Variants in MEIS1 observed in about 807,000 individuals in gnomAD.
The protein encoded by MEIS1 is Meis homeobox 1, also known as homeobox protein Meis1.
Under a neutral mutation model 50.8 loss-of-function variants are expected in MEIS1, and 5 were observed. The observed-to-expected ratio is 0.10, with a 90% CI of 0.05 to 0.21. MEIS1 has a LOEUF of 0.21. MEIS1 is among the 10% of genes least tolerant of loss of function. The pLI, the probability that MEIS1 is intolerant of heterozygous loss-of-function variation, is 1.00. For missense variants in MEIS1, 318 were observed against 517.3 expected (o/e 0.61, Z 3.74); for synonymous variants, 176 against 179.3 (o/e 0.98, Z 0.15).
rs768937684 is a variant in MEIS1 at position 66,571,555 on chromosome 2, A to G, written c.*347A>G. ...CTTAAGGGAATATGCATTGTCTGCA[A>G]TGGTGACTGATTTCAAATCATGTTT... On this transcript the variant is annotated 3_prime_UTR_variant, in exon 13 of 13. Transcript: ENST00000272369. 26 of 1,551,110 alleles carry G rather than the reference A, an allele frequency of 1.7e-5. No individual in the cohort carries two copies. The highest frequency in any genetic ancestry group is 2.2e-5 in the Non-Finnish European group (25 of 1,147,484).
rs1671773599 is a variant in MEIS1 at position 66,435,300 on chromosome 2, G to GGAGAGAAAGAAAGA, written c.-550_-537dup. 1 of 155,360 alleles carries GGAGAGAAAGAAAGA rather than the reference G, an allele frequency of 6.4e-6. No individual in the cohort carries two copies. Among genetic ancestry groups the GGAGAGAAAGAAAGA allele is most frequent in the African/African-American group, 2.4e-5 (1 of 41,572 alleles). The allele number at this position is 155,360 out of a possible 1,614,324, so 9.6% of individuals were successfully genotyped here. A position where few individuals can be genotyped will look rare whatever the true frequency, so the allele number is the denominator to read the frequency against. ...AGCACTTGCAAAGAGGGAGAGAGAG[G>GGAGAGAAAGAAAGA]GAGAGAAAGAAAGAGAGAGAGAGAA... On this transcript the variant is annotated 5_prime_UTR_variant, in exon 1 of 13. Transcript: ENST00000272369.
intron 9 of MEIS1, among the ~76,000 whole-genome samples, chr2:66,563,718 T>C (rs1572907677): frequency 6.6e-6 from 1 of 152,144 alleles, no homozygotes; most frequent in Non-Finnish European, 1.5e-5. Context: ...TGACCTCAGT[T>C]TGACTTATAG....
intron 8 of MEIS1, among the ~76,000 whole-genome samples, chr2:66,521,972 C>T (rs114033747): frequency 6.6e-6 from 1 of 152,200 alleles, no homozygotes; most frequent in Non-Finnish European, 1.5e-5. Context: ...TAATGTCACC[C>T]ATCGTACAAT....
At chr2:66,526,361 C>T (rs1231711843) in intron 8 of MEIS1, among the ~76,000 whole-genome samples, 1 of 152,176 alleles carries the variant, frequency 6.6e-6, no homozygotes, top group African/African-American at 2.4e-5. Context: ...TTTCTGGACC[C>T]CTTAGATGTC....
At chr2:66,463,003 G>C (rs1266008894) in intron 6 of MEIS1, among the ~76,000 whole-genome samples, 1 of 151,708 alleles carries the variant, frequency 6.6e-6, no homozygotes, top group Non-Finnish European at 1.5e-5. Flanking sequence ...TTCTCTCCCT[G>C]GGTGTCTGAG....
chr2:66,458,059 C>T (rs568077268), intron 6 of MEIS1, among the ~76,000 whole-genome samples: 7 of 152,262 alleles, frequency 4.6e-5, no homozygotes, highest in Non-Finnish European at 8.8e-5. Context: ...TCAGTTTCTA[C>T]GTAGCTGCTA....
intron 7 of MEIS1, among the ~76,000 whole-genome samples, chr2:66,498,234 C>T (rs1187815657): frequency 1.3e-5 from 2 of 152,098 alleles, no homozygotes; most frequent in Non-Finnish European, 2.9e-5. Context: ...CCACTGCTGC[C>T]AAACGATGCG....
chr2:66,568,816 T>C (rs1375553164), intron 11 of MEIS1, 60 bp downstream of exon 11: 1 of 1,423,120 alleles, frequency 7.0e-7, no homozygotes, highest in Non-Finnish European at 9.9e-7. Flanking sequence ...CATCCCCTCA[T>C]CAACACAGGT....
chr2:66,566,527 C>T (rs577264267), intron 9 of MEIS1, among the ~76,000 whole-genome samples: 20 of 152,028 alleles, frequency 1.3e-4, no homozygotes, highest in African/African-American at 2.2e-4. Flanking sequence ...GGATTTGATA[C>T]GTAATTTTTA....
At chr2:66,509,360 C>T (rs1439446135) in intron 7 of MEIS1, among the ~76,000 whole-genome samples, 1 of 152,194 alleles carries the variant, frequency 6.6e-6, no homozygotes, top group African/African-American at 2.4e-5. Flanking sequence ...AGTATTTACA[C>T]TGGATTGAAA....
intron 9 of MEIS1, among the ~76,000 whole-genome samples, chr2:66,551,638 C>CT (rs1002949596): frequency 6.6e-6 from 1 of 150,674 alleles, no homozygotes; most frequent in African/African-American, 2.4e-5. Context: ...AATAAATTAT[C>CT]TAAGTATTTG....
intron 8 of MEIS1, among the ~76,000 whole-genome samples, chr2:66,523,490 A>G (rs926037496): frequency 1.3e-5 from 2 of 152,232 alleles, no homozygotes; most frequent in Admixed American, 1.3e-4. Flanking sequence ...AGTTGTTGCA[A>G]TAGCACCATA....
intron 7 of MEIS1, among the ~76,000 whole-genome samples, chr2:66,489,482 A>T (rs947462747): frequency 1.3e-5 from 2 of 152,224 alleles, no homozygotes; most frequent in Non-Finnish European, 2.9e-5. Flanking sequence ...ATTTTATTGC[A>T]TTAAAATGTA....
At chr2:66,541,842 C>G (rs191440748) in intron 8 of MEIS1, among the ~76,000 whole-genome samples, 1 of 152,162 alleles carries the variant, frequency 6.6e-6, no homozygotes, top group East Asian at 1.9e-4. Context: ...TGCGACTGCA[C>G]GGTGCACTGC....
chr2:66,510,114 C>T (rs1673790270), intron 7 of MEIS1, among the ~76,000 whole-genome samples: 1 of 152,082 alleles, frequency 6.6e-6, no homozygotes, highest in Non-Finnish European at 1.5e-5. Context: ...AGTGGATTAG[C>T]CCATTGAAAA....
At chr2:66,453,760 G>A (rs1519104) in intron 6 of MEIS1, among the ~76,000 whole-genome samples, 102,930 of 151,786 alleles carry the variant, frequency 0.68, 35,356 homozygotes, top group South Asian at 0.78. Context: ...ATAAATTTCT[G>A]TGATTCTGTT....
At position 66,571,812 on chromosome 2, in the gene MEIS1, A is replaced by C; in HGVS notation, c.*604A>C. The C allele has an allele frequency of 2.7e-6, 1 of 368,978 alleles. No individual in the cohort carries two copies. The highest frequency in any genetic ancestry group is 2.2e-5 in the African/African-American group (1 of 46,342). 22.9% of individuals were successfully genotyped at this position (368,978 alleles called of 1,614,324 possible). Reference sequence around the variant, plus strand: ...TTATAGATTTTTTAAAAAAAATGTGAAATTTTTCCACACTATGTGTGTTGT... The same window carrying C: ...TTATAGATTTTTTAAAAAAAATGTGCAATTTTTCCACACTATGTGTGTTGT... On this transcript the variant is annotated 3_prime_UTR_variant, in exon 13 of 13. Coordinates refer to ENST00000272369, the MANE Select transcript of MEIS1 (RefSeq NM_002398.3).
At chr2:66,500,369 T>C (rs1011349303) in intron 7 of MEIS1, among the ~76,000 whole-genome samples, 3 of 152,172 alleles carry the variant, frequency 2.0e-5, no homozygotes, top group African/African-American at 7.2e-5. Context: ...ATGTAGCCCA[T>C]GTTGAAAAGC....
chr2:66,558,654 A>G (rs942919759), intron 9 of MEIS1, among the ~76,000 whole-genome samples: 4 of 152,300 alleles, frequency 2.6e-5, no homozygotes, highest in South Asian at 4.1e-4. Flanking sequence ...GTGCCATTCT[A>G]TAGCCTAATT....
Sources: allele counts gnomAD v4.1 joint callset (sites outside exome capture counted in the v4.1 genomes callset), GRCh38; gene constraint gnomAD v4.1.1; transcripts MANE v1.5; gene names NCBI Gene and HGNC (gene_info 2026-07-23, HGNC 2026-07-21).